Variants in EIF4G3 observed in about 807,000 individuals in gnomAD.
EIF4G3 encodes eukaryotic translation initiation factor 4 gamma 3, also known as eIF-4-gamma 3.
A neutral mutation model predicts 186.4 loss-of-function variants in EIF4G3; 34 were observed. That is an observed-to-expected ratio of 0.18 (90% CI 0.14 to 0.24). The LOEUF (loss-of-function observed/expected upper bound fraction) is 0.24. EIF4G3 is among the 10% of genes least tolerant of loss of function. The pLI is 1.00. For missense variants in EIF4G3, 1,536 were observed against 1,948.5 expected (o/e 0.79, Z 3.99); for synonymous variants, 673 against 679.5 (o/e 0.99, Z 0.15).
chr1:20,921,377 T>C lies in EIF4G3; in HGVS notation c.1664-16406A>G, dbSNP rs186854269. ...GGCAAAGAGAAAAGAAGTGGCTCAATAGAAACCATTAATCTGAATGCAGTG... is the reference window on the plus strand; with the variant it reads ...GGCAAAGAGAAAAGAAGTGGCTCAACAGAAACCATTAATCTGAATGCAGTG... On this transcript the variant is annotated intron_variant, in intron 14 of 36. Transcript: ENST00000602326. 1.9e-4 allele frequency among the ~76,000 whole-genome samples: 29 copies of C among 152,304 alleles called. No individual in the cohort carries two copies. The South Asian group carries it at 5.2e-3, about 27-fold the overall frequency.
chr1:21,141,173 C>T (rs1161471271), intron 2 of EIF4G3, among the ~76,000 whole-genome samples: 2 of 152,108 alleles, frequency 1.3e-5, no homozygotes, highest in African/African-American at 4.8e-5. Flanking sequence ...AGCAGCAATG[C>T]AGTCTGCCCA....
chr1:21,121,786 A>C (rs558022028), intron 2 of EIF4G3, among the ~76,000 whole-genome samples: 1 of 152,104 alleles, frequency 6.6e-6, no homozygotes, highest in Non-Finnish European at 1.5e-5. Context: ...AAAAAAAAAA[A>C]AAAACTAATC....
At chr1:20,970,339 C>A (rs1303571573) in intron 11 of EIF4G3, among the ~76,000 whole-genome samples, 1 of 152,122 alleles carries the variant, frequency 6.6e-6, no homozygotes, top group African/African-American at 2.4e-5. Flanking sequence ...GTCGGCCAGG[C>A]GCGGTGGCTC....
chr1:20,853,272 T>A (rs1017640861), intron 27 of EIF4G3, among the ~76,000 whole-genome samples: 1 of 152,194 alleles, frequency 6.6e-6, no homozygotes, highest in Admixed American at 6.6e-5. Flanking sequence ...TGCTAGGTGC[T>A]TCTAGAACAT....
intron 12 of EIF4G3, among the ~76,000 whole-genome samples, chr1:20,951,226 AT>A (rs1231256404): frequency 1.3e-5 from 2 of 152,180 alleles, no homozygotes; most frequent in Non-Finnish European, 2.9e-5. Flanking sequence ...GACACATACA[AT>A]TTAGGATGAT....
intron 30 of EIF4G3, among the ~76,000 whole-genome samples, chr1:20,836,743 G>A (rs2154548745): frequency 6.6e-6 from 1 of 152,232 alleles, no homozygotes; most frequent in South Asian, 2.1e-4. Context: ...GTCTTCATTT[G>A]TTTATTATAC....
chr1:21,079,053 A>T (rs1165351205), intron 3 of EIF4G3, among the ~76,000 whole-genome samples: 2 of 152,194 alleles, frequency 1.3e-5, no homozygotes, highest in Admixed American at 1.3e-4. Context: ...AAAAGCAGAG[A>T]TGTAAAGATA....
At chr1:20,821,354 G>A (rs2062295633) in intron 33 of EIF4G3, among the ~76,000 whole-genome samples, 2 of 152,102 alleles carry the variant, frequency 1.3e-5, no homozygotes, top group South Asian at 4.2e-4. Flanking sequence ...CACTGGGCTG[G>A]GTACTGGTAA....
intron 10 of EIF4G3, 55 bp from the exon 11 acceptor site, chr1:20,973,154 G>T (rs2076225478): frequency 7.7e-7 from 1 of 1,304,046 alleles, no homozygotes; most frequent in African/African-American, 1.5e-5. Context: ...AAACACTACA[G>T]AACTAGCAAT....
chr1:21,023,894 G>A (rs1192047345), intron 4 of EIF4G3, among the ~76,000 whole-genome samples: 2 of 137,676 alleles, frequency 1.5e-5, no homozygotes, highest in Non-Finnish European at 3.3e-5. Flanking sequence ...GATGTGGGGA[G>A]CGCCTCTGCC....
chr1:21,169,356 C>T (rs1352787830), intron 2 of EIF4G3, among the ~76,000 whole-genome samples: 1 of 151,900 alleles, frequency 6.6e-6, no homozygotes, highest in Non-Finnish European at 1.5e-5. Flanking sequence ...GAGGCTGAGG[C>T]AGAATTGTTT....
intron 2 of EIF4G3, among the ~76,000 whole-genome samples, chr1:21,107,820 A>G (rs758691316): frequency 8.5e-5 from 13 of 152,212 alleles, no homozygotes; most frequent in Admixed American, 2.6e-4. Flanking sequence ...CTGGGACTAC[A>G]GACACGTGCC....
At chr1:21,108,443 T>A (rs774636838) in intron 2 of EIF4G3, among the ~76,000 whole-genome samples, 1 of 152,202 alleles carries the variant, frequency 6.6e-6, no homozygotes, top group Non-Finnish European at 1.5e-5. Flanking sequence ...AGGAGGGGAA[T>A]GTTGATAAAA....
intron 3 of EIF4G3, among the ~76,000 whole-genome samples, chr1:21,088,834 C>T (rs1375515452): frequency 1.3e-5 from 2 of 152,052 alleles, no homozygotes; most frequent in Admixed American, 1.3e-4. Flanking sequence ...CACTGCACTC[C>T]AGCCTGGGTG....
chr1:20,953,185 T>A (rs975956111), intron 12 of EIF4G3, among the ~76,000 whole-genome samples: 2 of 152,152 alleles, frequency 1.3e-5, no homozygotes, highest in Admixed American at 1.3e-4. Context: ...ATAAAGATGC[T>A]AAGGAAGTCA....
intron 29 of EIF4G3, among the ~76,000 whole-genome samples, chr1:20,842,767 C>T (rs2154549429): frequency 6.6e-6 from 1 of 152,204 alleles, no homozygotes; most frequent in East Asian, 1.9e-4. Context: ...TAAATTACCA[C>T]TCATCCTTCT....
chr1:21,133,349 G>A (rs987952716), intron 2 of EIF4G3, among the ~76,000 whole-genome samples: 1 of 151,672 alleles, frequency 6.6e-6, no homozygotes, highest in African/African-American at 2.4e-5. Context: ...CTCAGCCTCC[G>A]GAGTAGCTGG....
At chr1:20,987,361 C>G (rs979985989) in intron 7 of EIF4G3, among the ~76,000 whole-genome samples, 4 of 152,216 alleles carry the variant, frequency 2.6e-5, no homozygotes, top group African/African-American at 9.7e-5. Context: ...GCTCTGAGTA[C>G]AAGCATAGCT....
At chr1:21,007,331 G>C (rs2085384271) in intron 4 of EIF4G3, among the ~76,000 whole-genome samples, 1 of 151,944 alleles carries the variant, frequency 6.6e-6, no homozygotes, top group Non-Finnish European at 1.5e-5. Context: ...TCGGGAGGCA[G>C]AGGTTGCAGT....
Sources: gnomAD v4.1 joint callset for allele counts (sites outside exome capture counted in the v4.1 genomes callset) on GRCh38, gnomAD v4.1.1 for gene constraint, MANE v1.5 for transcripts, NCBI Gene and HGNC (gene_info 2026-07-23, HGNC 2026-07-21) for gene names.